PER1: variants seen among roughly 807,000 people sequenced by gnomAD.
The protein encoded by PER1 is period circadian regulator 1.
Under a neutral mutation model 125.9 loss-of-function variants are expected in PER1, and 87 were observed. That is an observed-to-expected ratio of 0.69 (90% CI 0.58 to 0.83). PER1 has a LOEUF of 0.83. Among genes scored for constraint, PER1 ranks in the 40% least tolerant of loss-of-function variants. The pLI is 0.00. For missense variants in PER1, 1,775 were observed against 1,722.8 expected (o/e 1.03, Z -0.54); for synonymous variants, 801 against 714.7 (o/e 1.12, Z -1.93).
At chr17:8,147,433 T>C (rs1982526545) in intron 12 of PER1, 37 bp downstream of exon 12, 1 of 1,612,604 alleles carries the variant, frequency 6.2e-7, no homozygotes, top group Non-Finnish European at 8.5e-7. Flanking sequence ...TCCCACACCT[T>C]TTCTCACCTC....
chr17:8,150,988 G>A, intron 1 of PER1, 143 bp from the exon 2 acceptor site: 1 of 444,986 alleles, frequency 2.2e-6, no homozygotes, highest in South Asian at 5.9e-5. Flanking sequence ...TTCCAATGGG[G>A]AGTCAGGATG....
At position 8,146,959 on chromosome 17, in the gene PER1, T is replaced by C; in HGVS notation, c.1673A>G (p.His558Arg). ...QICKDVHLVKHQGQQLFIESR... is the reference protein window; with the variant it reads ...QICKDVHLVKRQGQQLFIESR... ...CTCAATAAAAAGCTGCTGGCCCTGG[T>C]GCTTCACCAGATGCACATCCTTACA... The change falls in exon 14 of 23, where the codon CAC becomes CGC. Residue 558 changes from histidine to arginine, a missense_variant. Coordinates refer to ENST00000317276, the MANE Select transcript of PER1 (RefSeq NM_002616.3). The C allele has an allele frequency of 6.2e-7, 1 of 1,614,012 alleles. No homozygotes were observed. The highest frequency in any genetic ancestry group is 1.1e-5 in the South Asian group (1 of 91,076).
chr17:8,142,113 C>A, intron 21 of PER1, 156 bp downstream of exon 21: 2 of 1,148,780 alleles, frequency 1.7e-6, no homozygotes, highest in Admixed American at 2.1e-5. Flanking sequence ...AGGAAACCTG[C>A]TCTCCTCCTG....
intron 21 of PER1, 126 bp from the exon 22 acceptor site, chr17:8,142,081 C>A: frequency 2.2e-6 from 3 of 1,336,876 alleles, no homozygotes; most frequent in South Asian, 1.2e-5. Flanking sequence ...TAGTGCTATG[C>A]GAGGTCAAGG....
At chr17:8,151,531 G>A (rs982629306) in intron 1 of PER1, among the ~76,000 whole-genome samples, 4 of 152,138 alleles carry the variant, frequency 2.6e-5, no homozygotes, top group Non-Finnish European at 5.9e-5. Context: ...GGATCCCAGG[G>A]TTGGTCCTGG....
intron 1 of PER1, among the ~76,000 whole-genome samples, chr17:8,151,327 T>C (rs910594298): frequency 2.1e-4 from 32 of 152,274 alleles, no homozygotes; most frequent in African/African-American, 7.5e-4. Flanking sequence ...GAAACCGACG[T>C]CAGCTGCTGA....
At chr17:8,145,141 C>T (rs918124529) in intron 17 of PER1, 148 bp from the exon 18 acceptor site, 28 of 820,678 alleles carry the variant, frequency 3.4e-5, no homozygotes, top group Non-Finnish European at 4.4e-5. Flanking sequence ...TTCTTGGTCA[C>T]CTCTCTGCCA....
Position 8,143,657 on chromosome 17 carries a change from C to A in PER1, c.2681G>T (p.Gly894Val). The A allele has an allele frequency of 6.9e-7, 1 of 1,458,066 alleles. No individual in the cohort carries two copies. Among genetic ancestry groups the A allele is most frequent in the Non-Finnish European group, 9.1e-7 (1 of 1,098,164 alleles). The allele number at this position is 1,458,066 out of a possible 1,614,324, so 90.3% of individuals were successfully genotyped here. The change falls in exon 19 of 23, where the codon GGC becomes GTC. Residue 894 changes from glycine (G) to valine (V), a missense_variant. Coordinates refer to ENST00000317276, the MANE Select transcript of PER1 (RefSeq NM_002616.3). ...YPLPVFSPRG[G>V]PQPLPPAPTS... ...GGGAGCAGGGGGAAGAGGCTGGGGG[C>A]CTCCTCGAGGAGAGAACACTGGGAG...
Position 8,143,448 on chromosome 17 carries a change from T to A in PER1, c.2890A>T (p.Ser964Cys). The A allele has an allele frequency of 6.2e-7, 1 of 1,607,856 alleles. No homozygotes were observed. The highest frequency in any genetic ancestry group is 8.5e-7 in the Non-Finnish European group (1 of 1,176,724). Residue 964 changes from serine to cysteine, a missense_variant, in exon 19 of 23, where the codon AGT becomes TGT. Coordinates refer to ENST00000317276, the MANE Select transcript of PER1 (RefSeq NM_002616.3). ...PSPSLPALAP[S>C]PPHRPDSPLF... ...GGAGAGTCCGGGCGGTGAGGAGGAC[T>A]CGGGGCGAGGGCGGGCAAGGATGGA...
Position 8,150,818 on chromosome 17 carries a change from G to T in PER1, c.-112C>A, listed in dbSNP as rs1478284632. The T allele has an allele frequency of 9.6e-7, 1 of 1,042,612 alleles. No individual in the cohort carries two copies. Among genetic ancestry groups the T allele is most frequent in the African/African-American group, 1.6e-5 (1 of 62,666 alleles). 64.6% of individuals were successfully genotyped at this position (1,042,612 alleles called of 1,614,324 possible). On this transcript the variant is annotated 5_prime_UTR_variant, in exon 2 of 23. Coordinates refer to ENST00000317276, the MANE Select transcript of PER1 (RefSeq NM_002616.3). Reference sequence around the variant, plus strand: ...GAGGTGGAAGATCTAAGTCTCTGAGGGTTGAGAAGTTCGATCACAGCCAGT... The same window carrying T: ...GAGGTGGAAGATCTAAGTCTCTGAGTGTTGAGAAGTTCGATCACAGCCAGT...
At chr17:8,142,219 C>G (rs773844259) in intron 21 of PER1, 50 bp downstream of exon 21, 6 of 1,447,160 alleles carry the variant, frequency 4.1e-6, no homozygotes, top group South Asian at 1.3e-5. Flanking sequence ...AAAACTGCCC[C>G]CACTACTACC....
In PER1 at chr17:8,147,529, G is replaced by A. The variant is rs773069740; in HGVS notation, c.1438C>T (p.Pro480Ser). ...VFTPPAPSPA[P>S]SLDTDIQELS... ...TCCTGGATATCAGTGTCCAGGGAGGGAGCTGGGCTGGGGGCCGGGGGAGTG... is the reference window on the plus strand; with the variant it reads ...TCCTGGATATCAGTGTCCAGGGAGGAAGCTGGGCTGGGGGCCGGGGGAGTG... Residue 480 changes from proline to serine, a missense_variant, in exon 12 of 23, where the codon CCC (proline) becomes TCC (serine). By Grantham distance (74) the Pro-to-Ser change is moderately conservative. Transcript: ENST00000317276. The A allele has an allele frequency of 1.9e-6, 3 of 1,613,788 alleles. No individual in the cohort carries two copies. The highest frequency in any genetic ancestry group is 2.5e-6 in the Non-Finnish European group (3 of 1,179,926).
Position 8,140,905 on chromosome 17 carries a change from C to A in PER1, c.*163G>T. ...TCTCTGCTCCCTAAGAGGCCAGAGGCAGCCCCTGGATCCTAGGCTGGTGAT... is the reference window on the plus strand; with the variant it reads ...TCTCTGCTCCCTAAGAGGCCAGAGGAAGCCCCTGGATCCTAGGCTGGTGAT... On this transcript the variant is annotated 3_prime_UTR_variant, in exon 23 of 23. Transcript: ENST00000317276. 2.6e-6 allele frequency: 2 copies of A among 764,214 alleles called. No individual in the cohort carries two copies. Among genetic ancestry groups the A allele is most frequent in the Non-Finnish European group, 4.2e-6 (2 of 473,326 alleles). 47.3% of individuals were successfully genotyped at this position (764,214 alleles called of 1,614,324 possible).
In PER1 at chr17:8,146,623, C is replaced by T. The variant is rs3027185; in HGVS notation, c.1878G>A (p.Gln626=). The part of the protein sequence containing the change: ...ERKEASSCSY[Q]QINCLDSILR... ...GGATGCTGTCCAGGCAGTTGATCTG[C>T]TGGTAGGAGCAGCTGGAGGCTTCTT... is the stretch of plus-strand genomic sequence containing the variant. The change falls in exon 15 of 23, where the codon CAG becomes CAA. Residue 626 remains glutamine (Q), a synonymous_variant. Transcript: ENST00000317276. 6.7e-4 allele frequency: 1,078 copies of T among 1,612,576 alleles called. 5 individuals are homozygous for T. The African/African-American group carries it at 0.012, about 18-fold the overall frequency.
intron 19 of PER1, 54 bp downstream of exon 19, chr17:8,143,212 G>A: frequency 7.9e-7 from 1 of 1,273,568 alleles, no homozygotes; most frequent in Non-Finnish European, 1.1e-6. Context: ...CAGGGTGGCA[G>A]AGGGGCGGGG....
At chr17:8,142,907 G>A (rs774384013) in intron 19 of PER1, 72 bp from the exon 20 acceptor site, 89 of 1,210,526 alleles carry the variant, frequency 7.4e-5, no homozygotes, top group Non-Finnish European at 9.2e-5. Context: ...TGCTCTTACT[G>A]GTTGTGGGGA....
At chr17:8,147,080 A>G in intron 13 of PER1, 78 bp from the exon 14 acceptor site, 1 of 1,427,770 alleles carries the variant, frequency 7.0e-7, no homozygotes, top group African/African-American at 1.4e-5. Flanking sequence ...ATAAAACAAG[A>G]AGGTACCAGT....
intron 13 of PER1, 92 bp downstream of exon 13, chr17:8,147,158 G>T (rs1043010023): frequency 1.1e-4 from 159 of 1,492,548 alleles, no homozygotes; most frequent in Non-Finnish European, 1.4e-4. Flanking sequence ...GGGCAAAGGA[G>T]GATCGGGCAA....
In PER1 at chr17:8,142,364, C is replaced by T; in HGVS notation, c.3354G>A (p.Gly1118=). 4 of 1,613,864 alleles carry T rather than the reference C, an allele frequency of 2.5e-6. No individual in the cohort carries two copies. Among genetic ancestry groups the T allele is most frequent in the Non-Finnish European group, 3.4e-6 (4 of 1,179,942 alleles). The change falls in exon 21 of 23, where the codon GGG becomes GGA. Residue 1118 remains glycine (G), a synonymous_variant. Coordinates refer to ENST00000317276, the MANE Select transcript of PER1 (RefSeq NM_002616.3). ...AGAARGGAEP[G]DQVIKYVLQD... is the part of the protein sequence containing the mutation. ...GGAGCACGTACTTAATCACCTGGTC[C>T]CCAGGCTCAGCCCCGCCCCGAGCAG...
Sources: allele counts gnomAD v4.1 joint callset (sites outside exome capture counted in the v4.1 genomes callset), GRCh38; gene constraint gnomAD v4.1.1; transcripts MANE v1.5; gene names NCBI Gene and HGNC (gene_info 2026-07-23, HGNC 2026-07-21).